Variants in CNTNAP2 observed in about 807,000 individuals in gnomAD.
CNTNAP2 encodes contactin-associated protein-like 2.
A neutral mutation model predicts 155.2 loss-of-function variants in CNTNAP2; 98 were observed. The observed-to-expected ratio is 0.63, with a 90% confidence interval of 0.54 to 0.75. The LOEUF is 0.75. Among genes scored for constraint, CNTNAP2 ranks in the 30% least tolerant of loss-of-function variants. The pLI, the probability that CNTNAP2 is intolerant of heterozygous loss-of-function variation, is 0.00. For synonymous variants in CNTNAP2, 651 were observed against 631.2 expected (o/e 1.03, Z -0.47); for missense variants, 1,727 against 1,688.1 (o/e 1.02, Z -0.40).
rs77247215 is a variant in CNTNAP2 at position 146,781,902 on chromosome 7, C to G, written c.208+7521C>G. Among the ~76,000 whole-genome samples, 55 of 152,286 alleles carry G rather than the reference C, an allele frequency of 3.6e-4. 2 individuals carry two copies. The East Asian group carries it at 9.3e-3, about 26-fold the overall frequency. On this transcript the variant is annotated intron_variant, in intron 2 of 23. Transcript: ENST00000361727. ...GCGCGTCCATGAGGGCATTGTCTGT[C>G]TGTGTGGCCTAGCTCCTCCTGCTGG...
chr7:147,201,432 A>C (rs1388002990), intron 8 of CNTNAP2, among the ~76,000 whole-genome samples: 1 of 152,134 alleles, frequency 6.6e-6, no homozygotes, highest in African/African-American at 2.4e-5. Flanking sequence ...GCTCTTTTTT[A>C]TTTAACTCTC....
intron 21 of CNTNAP2, among the ~76,000 whole-genome samples, chr7:148,300,466 C>G (rs188500314): frequency 6.9e-4 from 105 of 151,390 alleles, no homozygotes; most frequent in Non-Finnish European, 4.4e-4. Context: ...TGTTTCATGG[C>G]TTAAATCTTC....
intron 11 of CNTNAP2, among the ~76,000 whole-genome samples, chr7:147,536,826 C>T (rs1799549677): frequency 6.6e-6 from 1 of 152,140 alleles, no homozygotes; most frequent in Non-Finnish European, 1.5e-5. Flanking sequence ...CCTGATGCTA[C>T]CTCCCAGGCC....
chr7:148,261,082 G>A (rs1796551340), intron 20 of CNTNAP2, among the ~76,000 whole-genome samples: 1 of 152,220 alleles, frequency 6.6e-6, no homozygotes, highest in South Asian at 2.1e-4. Flanking sequence ...CTGGTAGAGA[G>A]AAGCCATCTT....
chr7:148,135,100 G>A (rs1804909428), intron 16 of CNTNAP2, among the ~76,000 whole-genome samples: 1 of 151,956 alleles, frequency 6.6e-6, no homozygotes, highest in South Asian at 2.1e-4. Flanking sequence ...GAGGGCATGT[G>A]TAGTTTGAAA....
At chr7:146,133,342 A>C (rs1797746233) in intron 1 of CNTNAP2, among the ~76,000 whole-genome samples, 1 of 150,678 alleles carries the variant, frequency 6.6e-6, no homozygotes, top group Non-Finnish European at 1.5e-5. Flanking sequence ...GGTTGTGAAA[A>C]TTTTCTCCCA....
intron 1 of CNTNAP2, among the ~76,000 whole-genome samples, chr7:146,396,069 T>C (rs1367365829): frequency 6.6e-6 from 1 of 152,150 alleles, no homozygotes; most frequent in Non-Finnish European, 1.5e-5. Context: ...ATCATACTTT[T>C]TCCCCTTCAT....
chr7:147,473,615 C>T (rs17223460), intron 10 of CNTNAP2, among the ~76,000 whole-genome samples: 27,063 of 151,918 alleles, frequency 0.18, 3,071 homozygotes, highest in Non-Finnish European at 0.25. Context: ...ATAAGTTTTC[C>T]CTGCACCTCA....
chr7:147,615,207 T>G (rs1801258435), intron 12 of CNTNAP2, among the ~76,000 whole-genome samples: 1 of 121,670 alleles, frequency 8.2e-6, no homozygotes, highest in Non-Finnish European at 1.6e-5. Flanking sequence ...GATGCTGCAG[T>G]GAGCTATAAT....
chr7:148,287,340 C>G (rs61285694), intron 21 of CNTNAP2, among the ~76,000 whole-genome samples: 1 of 152,038 alleles, frequency 6.6e-6, no homozygotes, highest in Admixed American at 6.5e-5. Flanking sequence ...TGAACAGCCA[C>G]TATAGAAAAA....
intron 20 of CNTNAP2, among the ~76,000 whole-genome samples, chr7:148,259,179 T>TAAAAAAAAAAAAAAAAAAAAAA (rs34229180): frequency 4.2e-5 from 1 of 24,018 alleles, no homozygotes; most frequent in African/African-American, 1.8e-4. Flanking sequence ...AACTCCGTCT[T>TAAAAAAAAAAAAAAAAAAAAAA]AAAAAAAAAA....
chr7:146,933,785 T>C (rs377420688), intron 3 of CNTNAP2, among the ~76,000 whole-genome samples: 6,205 of 151,592 alleles, frequency 0.041, 140 homozygotes, highest in Middle Eastern at 0.09. Flanking sequence ...GCAAAGGACA[T>C]GAACAGACAC....
Position 147,667,833 on chromosome 7 carries a change from T to A in CNTNAP2, c.2098+28527T>A, listed in dbSNP as rs377180672. On this transcript the variant is annotated intron_variant, in intron 13 of 23. Coordinates refer to ENST00000361727, the MANE Select transcript of CNTNAP2 (RefSeq NM_014141.6). ...TAATAAAAAAAATAAAATAAAAAAA[T>A]AAAAGATACCAATGCAATTCTGGAA... 4.2e-3 allele frequency among the ~76,000 whole-genome samples: 594 copies of A among 141,268 alleles called. 12 individuals carry two copies. Among genetic ancestry groups the A allele is most frequent in the Middle Eastern group, 8.8e-3 (2 of 226 alleles). 92.7% of individuals were successfully genotyped at this position (141,268 alleles called of 152,430 possible).
At chr7:146,601,995 C>T (rs895363321) in intron 1 of CNTNAP2, among the ~76,000 whole-genome samples, 4 of 151,908 alleles carry the variant, frequency 2.6e-5, no homozygotes, top group African/African-American at 9.7e-5. Context: ...ATGTACAAAG[C>T]ATTCAAAACA....
chr7:146,696,207 T>C (rs1800780119), intron 1 of CNTNAP2, among the ~76,000 whole-genome samples: 1 of 152,206 alleles, frequency 6.6e-6, no homozygotes, highest in South Asian at 2.1e-4. Context: ...GTCAATTAAA[T>C]TTATTAAACC....
At chr7:146,452,973 C>A (rs1796504702) in intron 1 of CNTNAP2, among the ~76,000 whole-genome samples, 2 of 152,208 alleles carry the variant, frequency 1.3e-5, no homozygotes, top group Non-Finnish European at 2.9e-5. Context: ...AGACCTACAA[C>A]AGCCCCAGCT....
chr7:146,709,041 A>C (rs534652018), intron 1 of CNTNAP2, among the ~76,000 whole-genome samples: 37 of 152,304 alleles, frequency 2.4e-4, no homozygotes, highest in African/African-American at 8.7e-4. Flanking sequence ...CTATATATGA[A>C]TGGATAAAGT....
intron 1 of CNTNAP2, among the ~76,000 whole-genome samples, chr7:146,581,826 A>G (rs2129147909): frequency 6.6e-6 from 1 of 152,268 alleles, no homozygotes; most frequent in East Asian, 1.9e-4. Context: ...TTGATTGCCA[A>G]ATAATAGTAG....
At chr7:147,621,149 A>G (rs1794841694) in intron 12 of CNTNAP2, among the ~76,000 whole-genome samples, 1 of 152,152 alleles carries the variant, frequency 6.6e-6, no homozygotes, top group African/African-American at 2.4e-5. Context: ...TCCTTCAAAT[A>G]TAAAGGAGAA....
Sources: gnomAD v4.1 joint callset for allele counts (sites outside exome capture counted in the v4.1 genomes callset) on GRCh38, gnomAD v4.1.1 for gene constraint, MANE v1.5 for transcripts, NCBI Gene and HGNC (gene_info 2026-07-23, HGNC 2026-07-21) for gene names.